FANK1: variants seen among roughly 807,000 people sequenced by gnomAD.
FANK1 encodes fibronectin type 3 and ankyrin repeat domains protein 1.
Under a neutral mutation model 45.3 loss-of-function variants are expected in FANK1, and 44 were observed. That is an observed-to-expected ratio of 0.97 (90% CI 0.76 to 1.25). The LOEUF (loss-of-function observed/expected upper bound fraction) is 1.25. FANK1 is among the 50% of genes most tolerant of loss of function. The pLI is 0.00. For synonymous variants in FANK1, 149 were observed against 152.5 expected (o/e 0.98, Z 0.17); for missense variants, 391 against 424.4 (o/e 0.92, Z 0.69).
chr10:125,976,968 G>GTT (rs35441055), intron 1 of FANK1, among the ~76,000 whole-genome samples: 15 of 151,430 alleles, frequency 9.9e-5, no homozygotes, highest in Non-Finnish European at 1.8e-4. Flanking sequence ...GACCCGTTAG[G>GTT]TTTTTTTTTA....
intron 1 of FANK1, among the ~76,000 whole-genome samples, chr10:125,948,322 C>T (rs1948954938): frequency 6.6e-6 from 1 of 152,042 alleles, no homozygotes; most frequent in Non-Finnish European, 1.5e-5. Context: ...TCAATGAATC[C>T]AGGAGCTGGT....
chr10:126,003,506 C>G (rs565908601), intron 6 of FANK1, among the ~76,000 whole-genome samples: 26 of 152,178 alleles, frequency 1.7e-4, no homozygotes, highest in African/African-American at 6.0e-4. Flanking sequence ...GCCTGTGATG[C>G]AGGTTGTCTC....
intron 1 of FANK1, among the ~76,000 whole-genome samples, chr10:125,969,515 A>C (rs1457071207): frequency 3.3e-5 from 5 of 152,228 alleles, no homozygotes; most frequent in Admixed American, 2.6e-4. Flanking sequence ...GCATCTATAA[A>C]AACAGTTCTC....
At chr10:125,960,223 C>T in intron 1 of FANK1, 1 of 284,888 alleles carries the variant, frequency 3.5e-6, no homozygotes. Flanking sequence ...AGGATCTGGA[C>T]TCCAGGAGGG....
At chr10:125,953,891 A>G (rs758002951) in intron 1 of FANK1, among the ~76,000 whole-genome samples, 3 of 152,158 alleles carry the variant, frequency 2.0e-5, no homozygotes, top group Non-Finnish European at 4.4e-5. Context: ...TCTTGGATGA[A>G]ATCTTTTGGA....
intron 1 of FANK1, among the ~76,000 whole-genome samples, chr10:125,952,237 T>C (rs1320161868): frequency 6.6e-6 from 1 of 152,202 alleles, no homozygotes; most frequent in East Asian, 1.9e-4. Flanking sequence ...TTATGTACAC[T>C]ATTTTTTGAG....
At chr10:125,938,417 G>C (rs1367506849) in intron 1 of FANK1, among the ~76,000 whole-genome samples, 1 of 152,170 alleles carries the variant, frequency 6.6e-6, no homozygotes, top group African/African-American at 2.4e-5. Flanking sequence ...TAGGAGAAAT[G>C]GCTTAGCAAA....
chr10:125,980,169 C>G lies in FANK1; in HGVS notation c.22C>G (p.Pro8Ala). ...GTCATTCTTTTTTTTAGAAATCATG[C>G]CACCCTCAAAGCCTCATCCACCTGT... MEPQKIM[P>A]PSKPHPPVVG... Residue 8 changes from proline to alanine, a missense_variant, in exon 2 of 11, where the codon CCA becomes GCA. Pro to Ala is a conservative substitution (Grantham distance 27). Coordinates refer to ENST00000368693, the MANE Select transcript of FANK1 (RefSeq NM_145235.5). 6.2e-7 allele frequency: 1 copy of G among 1,605,860 alleles called. No homozygotes were observed. Among genetic ancestry groups the G allele is most frequent in the South Asian group, 1.1e-5 (1 of 89,050 alleles).
intron 3 of FANK1, among the ~76,000 whole-genome samples, chr10:125,991,988 A>G (rs1052287864): frequency 2.0e-5 from 3 of 152,226 alleles, no homozygotes; most frequent in Non-Finnish European, 4.4e-5. Context: ...TCACGTGAGC[A>G]TGGGCTAACA....
intron 1 of FANK1, among the ~76,000 whole-genome samples, chr10:125,914,141 C>A (rs558393754): frequency 1.4e-3 from 208 of 152,224 alleles, no homozygotes; most frequent in Non-Finnish European, 1.9e-3. Context: ...TGCCCGCCTC[C>A]CAGACAACTT....
intron 1 of FANK1, among the ~76,000 whole-genome samples, chr10:125,904,939 CAGGGTGAA>C (rs1945357348): frequency 2.1e-5 from 3 of 143,952 alleles, no homozygotes; most frequent in African/African-American, 7.6e-5. Flanking sequence ...TCCTGGCTAA[CAGGGTGAA>C]ACCCCGTCTC....
chr10:125,898,193 CA>C (rs1049542986), intron 1 of FANK1, among the ~76,000 whole-genome samples: 1 of 151,038 alleles, frequency 6.6e-6, no homozygotes, highest in East Asian at 1.9e-4. Context: ...CTCGAAAAAA[CA>C]AAAAAAAGAA....
chr10:125,928,033 T>A (rs193254771), intron 1 of FANK1, among the ~76,000 whole-genome samples: 1 of 152,272 alleles, frequency 6.6e-6, no homozygotes, highest in East Asian at 1.9e-4. Flanking sequence ...CCCATCCTTC[T>A]GTTGTAGGAA....
At position 126,009,113 on chromosome 10, in the gene FANK1, T is replaced by C. The variant is rs1300885131; in HGVS notation, c.909T>C (p.Asp303=). ...LVQLLLDKGA[D]ASVKNEFGKG... is the part of the protein sequence containing the mutation. ...AGTTACTTCTTGACAAAGGGGCAGA[T>C]GCAAGTGTAAAAAATGAGGTAAATG... Residue 303 remains aspartate, a synonymous_variant, in exon 9 of 11, where the codon GAT becomes GAC. Coordinates refer to ENST00000368693, the MANE Select transcript of FANK1 (RefSeq NM_145235.5). 1 of 1,614,120 alleles carries C rather than the reference T, an allele frequency of 6.2e-7. No homozygotes were observed. The highest frequency in any genetic ancestry group is 1.7e-5 in the Admixed American group (1 of 60,008).
At chr10:125,976,092 G>A (rs558658316) in intron 1 of FANK1, among the ~76,000 whole-genome samples, 1 of 151,672 alleles carries the variant, frequency 6.6e-6, no homozygotes, top group African/African-American at 2.4e-5. Flanking sequence ...AGCTTAGTTT[G>A]GCAGGATATG....
At chr10:125,920,940 TC>T (rs1156992428) in intron 1 of FANK1, among the ~76,000 whole-genome samples, 7 of 152,262 alleles carry the variant, frequency 4.6e-5, no homozygotes, top group African/African-American at 1.7e-4. Context: ...TTGCTGGCCT[TC>T]TAATGATTTC....
chr10:125,920,817 G>A (rs1326802869), intron 1 of FANK1, among the ~76,000 whole-genome samples: 1 of 152,080 alleles, frequency 6.6e-6, no homozygotes, highest in Non-Finnish European at 1.5e-5. Flanking sequence ...CTAAATATCA[G>A]TTTCTAATTT....
At chr10:125,985,823 T>C (rs1389070361) in intron 2 of FANK1, among the ~76,000 whole-genome samples, 1 of 152,220 alleles carries the variant, frequency 6.6e-6, no homozygotes, top group Non-Finnish European at 1.5e-5. Flanking sequence ...GTGTGATGCA[T>C]CAGCTGGGAT....
At chr10:125,949,303 C>T (rs1160885428) in intron 1 of FANK1, among the ~76,000 whole-genome samples, 2 of 150,776 alleles carry the variant, frequency 1.3e-5, no homozygotes, top group Non-Finnish European at 3.0e-5. Context: ...AAAGGGTATT[C>T]AATTAGGAAA....
Sources: gnomAD v4.1 joint callset for allele counts (sites outside exome capture counted in the v4.1 genomes callset) on GRCh38, gnomAD v4.1.1 for gene constraint, MANE v1.5 for transcripts, NCBI Gene and HGNC (gene_info 2026-07-23, HGNC 2026-07-21) for gene names.